TMEM38B: variants seen among roughly 807,000 people sequenced by gnomAD.
TMEM38B encodes trimeric intracellular cation channel type B.
In TMEM38B, 24 loss-of-function variants were observed where a neutral mutation model predicts 28.7. That is an observed-to-expected ratio of 0.84 (90% CI 0.61 to 1.18). The LOEUF (loss-of-function observed/expected upper bound fraction) is 1.18. TMEM38B is among the 50% of genes most tolerant of loss of function. The probability of loss-of-function intolerance (pLI) is 0.00; values close to 1 mark genes in which losing one functional copy is unlikely to be tolerated. For missense variants in TMEM38B, 380 were observed against 350.9 expected, an observed-to-expected ratio of 1.08 and a Z score of -0.66; for synonymous variants, 131 against 127.7, an observed-to-expected ratio of 1.03 and a Z score of -0.17.
chr9:105,760,522 T>C lies in TMEM38B; in HGVS notation c.660+12332T>C, dbSNP rs945042353. The C allele has an allele frequency of 8.1e-6, 6 of 744,214 alleles. No individual in the cohort carries two copies. In the African/African-American group the frequency reaches 1.1e-4, roughly 13 times the overall value. The allele number at this position is 744,214 out of a possible 1,614,324, so 46.1% of individuals were successfully genotyped here. A position where few individuals can be genotyped will look rare whatever the true frequency, so the allele number is the denominator to read the frequency against. ...TCAGGACTTTGAAAAGCAAAAAGTT[T>C]CTACCTCTCAAGCTGCAGTTACAGA... On this transcript the variant is annotated intron_variant, in intron 5 of 5. Transcript: ENST00000374692.
chr9:105,714,326 C>T (rs1836015749), intron 2 of TMEM38B, among the ~76,000 whole-genome samples: 1 of 152,210 alleles, frequency 6.6e-6, no homozygotes, highest in South Asian at 2.1e-4. Context: ...GTCTTGCTCA[C>T]CCTCCACTTG....
intron 2 of TMEM38B, among the ~76,000 whole-genome samples, chr9:105,709,711 G>A (rs1402268566): frequency 6.6e-6 from 1 of 152,212 alleles, no homozygotes; most frequent in African/African-American, 2.4e-5. Context: ...AAGGAGAGTA[G>A]TTAAGGAAGA....
intron 4 of TMEM38B, among the ~76,000 whole-genome samples, chr9:105,732,577 A>G (rs537323692): frequency 1.3e-3 from 192 of 152,234 alleles, no homozygotes; most frequent in Admixed American, 3.9e-3. Flanking sequence ...TCCTTTCCCC[A>G]TTTCTTGTTT....
At chr9:105,722,703 C>A (rs1836367156) in intron 4 of TMEM38B, 82 bp downstream of exon 4, 2 of 1,096,256 alleles carry the variant, frequency 1.8e-6, no homozygotes, top group South Asian at 1.4e-5. Context: ...ATTTTAGGGA[C>A]TTTAAATGTG....
chr9:105,750,539 G>A (rs920211549), intron 5 of TMEM38B, among the ~76,000 whole-genome samples: 2 of 152,256 alleles, frequency 1.3e-5, no homozygotes, highest in East Asian at 3.9e-4. Flanking sequence ...ACTTGAACCA[G>A]GGAGGCAGAG....
At chr9:105,706,920 G>A (rs1835691276) in intron 2 of TMEM38B, among the ~76,000 whole-genome samples, 1 of 152,086 alleles carries the variant, frequency 6.6e-6, no homozygotes, top group South Asian at 2.1e-4. Context: ...GAGATTACAG[G>A]CATGCGCCAC....
At chr9:105,747,427 C>T (rs959370038) in intron 4 of TMEM38B, among the ~76,000 whole-genome samples, 7 of 152,036 alleles carry the variant, frequency 4.6e-5, no homozygotes, top group Non-Finnish European at 7.4e-5. Context: ...GTGATATCCC[C>T]TTTATCATTT....
rs1291851451 is a variant in TMEM38B, at chr9:105,763,674, C to G, written c.661-10191C>G. Among the ~76,000 whole-genome samples the G allele has an allele frequency of 2.0e-5, 3 of 152,216 alleles. No homozygotes were observed. The East Asian group carries it at 5.8e-4, about 29-fold the overall frequency. On this transcript the variant is annotated intron_variant, in intron 5 of 5. Transcript: ENST00000374692. ...GGTACAAGGAGCAACTGGTACCATT[C>G]CTTCTGAAACTATTCCAATCAATAG...
At chr9:105,753,760 T>C (rs1837737957) in intron 5 of TMEM38B, among the ~76,000 whole-genome samples, 1 of 152,116 alleles carries the variant, frequency 6.6e-6, no homozygotes, top group South Asian at 2.1e-4. Context: ...TATAAACAAG[T>C]CTGCAAAATA....
Position 105,738,376 on chromosome 9 carries a change from C to G in TMEM38B, c.543-9697C>G, listed in dbSNP as rs1837062310. On this transcript the variant is annotated intron_variant, in intron 4 of 5. Transcript: ENST00000374692. ...AGTGGTGGAGACAAGGTCTTTTCTT[C>G]CCTTCTCTACATGGCCATACTCTGT... Among the ~76,000 whole-genome samples, 3 of 151,966 alleles carry G rather than the reference C, an allele frequency of 2.0e-5. No individual in the cohort carries two copies. The South Asian group carries it at 6.2e-4, about 32-fold the overall frequency.
rs551325928 is a variant in TMEM38B at position 105,738,853 on chromosome 9, G to A, written c.543-9220G>A. Among the ~76,000 whole-genome samples, 80 of 151,740 alleles carry A rather than the reference G, an allele frequency of 5.3e-4. 1 individual carries two copies. In the South Asian group the frequency reaches 8.5e-3, roughly 16 times the overall value. ...CCGTCTCAGCCTCCTGAGTAGCTGG[G>A]ACTACAGGCATATATTGCCACACCC... On this transcript the variant is annotated intron_variant, in intron 4 of 5. Transcript: ENST00000374692.
In TMEM38B at chr9:105,775,574, GC is replaced by G. The variant is rs1564424237; in HGVS notation, c.*1495del. The G allele has an allele frequency of 6.6e-6, 1 of 151,862 alleles. No homozygotes were observed. The allele number at this position is 151,862 out of a possible 1,614,324, so 9.4% of individuals were successfully genotyped here. A position where few individuals can be genotyped will look rare whatever the true frequency, so the allele number is the denominator to read the frequency against. On this transcript the variant is annotated 3_prime_UTR_variant, in exon 6 of 6. Transcript: ENST00000374692. ...TACTTGCTTAAAAAATTGGGAGGGG[GC>G]ACTTTTCATAGTCTTGGAATGCTAA...
intron 5 of TMEM38B, among the ~76,000 whole-genome samples, chr9:105,756,975 A>C (rs919005737): frequency 6.6e-6 from 1 of 151,992 alleles, no homozygotes; most frequent in Non-Finnish European, 1.5e-5. Flanking sequence ...TAAGTTCTTT[A>C]GTGCTAATTT....
At chr9:105,764,406 A>G (rs1205551483) in intron 5 of TMEM38B, among the ~76,000 whole-genome samples, 2 of 152,142 alleles carry the variant, frequency 1.3e-5, no homozygotes, top group Admixed American at 6.5e-5. Flanking sequence ...AAATCAATGT[A>G]CAAAAATCAC....
intron 5 of TMEM38B, among the ~76,000 whole-genome samples, chr9:105,765,683 C>T (rs577272071): frequency 7.2e-5 from 11 of 152,230 alleles, no homozygotes; most frequent in African/African-American, 2.2e-4. Context: ...TTCCAGTTAT[C>T]TGTTGATGGG....
intron 2 of TMEM38B, among the ~76,000 whole-genome samples, chr9:105,712,210 C>G (rs1026388059): frequency 6.6e-6 from 1 of 152,154 alleles, no homozygotes; most frequent in Non-Finnish European, 1.5e-5. Context: ...CCACTGTGCC[C>G]GACCGACTTC....
intron 1 of TMEM38B, among the ~76,000 whole-genome samples, chr9:105,698,791 G>A (rs914366728): frequency 6.6e-6 from 1 of 152,036 alleles, no homozygotes; most frequent in African/African-American, 2.4e-5. Flanking sequence ...TATTTAATAG[G>A]CATTGCTTGT....
intron 5 of TMEM38B, among the ~76,000 whole-genome samples, chr9:105,772,180 T>G (rs1265346679): frequency 6.6e-6 from 1 of 152,192 alleles, no homozygotes; most frequent in Non-Finnish European, 1.5e-5. Flanking sequence ...GCTCAGCTCT[T>G]TGGCCTCTCA....
rs528184970 is a variant in TMEM38B, at chr9:105,737,176, T to A, written c.543-10897T>A. Among the ~76,000 whole-genome samples, 16 of 152,112 alleles carry A rather than the reference T, an allele frequency of 1.1e-4. 1 individual carries two copies. In the East Asian group the frequency reaches 2.3e-3, roughly 22 times the overall value. ...ACACATTTACTCTATGAGGTCAGAG[T>A]AGATGCAGATCGGCCACAAAGTTAG... On this transcript the variant is annotated intron_variant, in intron 4 of 5. Coordinates refer to ENST00000374692, the MANE Select transcript of TMEM38B (RefSeq NM_018112.3).
Sources: gnomAD v4.1 joint callset for allele counts (sites outside exome capture counted in the v4.1 genomes callset) on GRCh38, gnomAD v4.1.1 for gene constraint, MANE v1.5 for transcripts, NCBI Gene and HGNC (gene_info 2026-07-23, HGNC 2026-07-21) for gene names.